Variants in AEN observed in about 807,000 individuals in gnomAD.
AEN encodes apoptosis enhancing nuclease.
AEN carries 21 observed loss-of-function variants against 17.7 expected under a neutral mutation model. The ratio of observed to expected loss-of-function variants is 1.19; its 90% CI spans 0.84 to 1.71. AEN has a LOEUF of 1.71. Ranked by LOEUF, AEN falls within the 40% of genes most tolerant of loss-of-function variation. The pLI is 0.00. For synonymous variants in AEN, 190 were observed against 173.0 expected, an observed-to-expected ratio of 1.10 and a Z score of -0.77; for missense variants, 462 against 435.9, an observed-to-expected ratio of 1.06 and a Z score of -0.53.
chr15:88,607,204 C>T, the AEN span, among the ~76,000 whole-genome samples: 2 of 152,200 alleles, frequency 1.3e-5, no homozygotes, highest in African/African-American at 4.8e-5. Flanking sequence ...TGGACACTAG[C>T]ATCACTCTCA....
the AEN span, among the ~76,000 whole-genome samples, chr15:88,605,740 T>C: frequency 2.8e-4 from 43 of 152,296 alleles, no homozygotes; most frequent in South Asian, 6.6e-3. The surrounding 1 kb of genome is among the most constrained non-coding windows in gnomAD (Gnocchi z 7.6). Flanking sequence ...CGCTACCCGC[T>C]TGGAGTCGGC....
At chr15:88,605,222 C>A in the AEN span, 1 of 152,236 alleles carries the variant, frequency 6.6e-6, no homozygotes. The surrounding 1 kb of genome is among the most constrained non-coding windows in gnomAD (Gnocchi z 7.6). Flanking sequence ...AGTACCTGCC[C>A]GGGGCGACGC....
chr15:88,606,546 C>T, the AEN span, among the ~76,000 whole-genome samples: 5 of 42,102 alleles, frequency 1.2e-4, no homozygotes, highest in South Asian at 3.4e-3. Flanking sequence ...AGGGAAAGGA[C>T]TTGGCACTAG....
In AEN at chr15:88,631,001, C is replaced by T; in HGVS notation, c.*707C>T. The stretch of plus-strand genomic sequence containing the variant: ...GAGTTGGCTCCTTAACATTTCTTGG[C>T]AACAGAAAGCCCCAGGCACAGCTCA... On this transcript the variant is annotated 3_prime_UTR_variant, in exon 4 of 4. Coordinates refer to ENST00000332810, the MANE Select transcript of AEN (RefSeq NM_022767.4). 2.5e-6 allele frequency: 1 copy of T among 398,394 alleles called. No homozygotes were observed. Among genetic ancestry groups the T allele is most frequent in the Non-Finnish European group, 5.2e-6 (1 of 190,674 alleles). The allele number at this position is 398,394 out of a possible 1,614,324, so 24.7% of individuals were successfully genotyped here.
At chr15:88,608,788 C>T in the AEN span, among the ~76,000 whole-genome samples, 1 of 152,220 alleles carries the variant, frequency 6.6e-6, no homozygotes, top group Non-Finnish European at 1.5e-5. Context: ...GAGACAATGA[C>T]TCTTTAATTC....
chr15:88,616,185 C>A, the AEN span, among the ~76,000 whole-genome samples: 2 of 152,130 alleles, frequency 1.3e-5, no homozygotes, highest in Non-Finnish European at 2.9e-5. Context: ...CCTCTGCCTC[C>A]CGGGTTCAAA....
At chr15:88,619,185 T>C (rs568734654), upstream of AEN, among the ~76,000 whole-genome samples, 1 of 152,332 alleles carries the variant, frequency 6.6e-6, no homozygotes, top group Non-Finnish European at 1.5e-5. Flanking sequence ...TAATACATTA[T>C]TTAGAATTGC....
chr15:88,609,697 T>C, the AEN span, among the ~76,000 whole-genome samples: 7 of 152,210 alleles, frequency 4.6e-5, no homozygotes, highest in African/African-American at 1.7e-4. Flanking sequence ...GCAGCCTCTT[T>C]TATTGCTTGC....
At position 88,627,840 on chromosome 15, in the gene AEN, T is replaced by C. The variant is rs140198203; in HGVS notation, c.540+1091T>C. 73 of 152,350 alleles carry C rather than the reference T, an allele frequency of 4.8e-4. 1 individual carries two copies. The highest frequency in any genetic ancestry group is 1.7e-3 in the African/African-American group (72 of 41,574). The allele number at this position is 152,350 out of a possible 1,614,324, so 9.4% of individuals were successfully genotyped here. On this transcript the variant is annotated intron_variant, in intron 2 of 3. Transcript: ENST00000332810. ...AAATTTGCATTGTTCTCAAAATGTG[T>C]CATACATCAATTGCATTGAGACAAA...
Position 88,629,337 on chromosome 15 carries a change from C to G in AEN, c.652C>G (p.Pro218Ala). Reference protein sequence around the residue: ...RSQTRDTTYVPNFLSEPGLHT... With the variant: ...RSQTRDTTYVANFLSEPGLHT... Reference sequence around the variant, plus strand: ...CCAGACCCGGGATACGACCTATGTCCCAAACTTCCTCAGCGAGCCCGGCCT... The same window carrying G: ...CCAGACCCGGGATACGACCTATGTCGCAAACTTCCTCAGCGAGCCCGGCCT... The change falls in exon 3 of 4, where the codon CCA becomes GCA. Residue 218 changes from proline (P) to alanine (A), a missense_variant. Transcript: ENST00000332810. 1 of 1,614,124 alleles carries G rather than the reference C, an allele frequency of 6.2e-7. No individual in the cohort carries two copies. Among genetic ancestry groups the G allele is most frequent in the East Asian group, 2.2e-5 (1 of 44,870 alleles).
chr15:88,605,734 A>C, the AEN span, among the ~76,000 whole-genome samples: 1 of 152,074 alleles, frequency 6.6e-6, no homozygotes, highest in East Asian at 1.9e-4. The surrounding 1 kb of genome is among the most constrained non-coding windows in gnomAD (Gnocchi z 7.6). Context: ...TCGAGTCGCT[A>C]CCCGCTTGGA....
rs911404152 is a variant in AEN, at chr15:88,632,228, A to T, written c.*1934A>T. On this transcript the variant is annotated 3_prime_UTR_variant, in exon 4 of 4. Coordinates refer to ENST00000332810, the MANE Select transcript of AEN (RefSeq NM_022767.4). ...TCAGCGGGGAAATGTACTATTTAAG[A>T]TCAGCTTTGTTGTAAAACCATTTGT... The T allele has an allele frequency of 6.6e-6, 1 of 152,018 alleles. No homozygotes were observed. The highest frequency in any genetic ancestry group is 2.1e-4 in the South Asian group (1 of 4,828). The allele number at this position is 152,018 out of a possible 1,614,324, so 9.4% of individuals were successfully genotyped here. A position where few individuals can be genotyped will look rare whatever the true frequency, so the allele number is the denominator to read the frequency against.
At chr15:88,626,839 G>T (rs1020858320) in intron 2 of AEN, 90 bp downstream of exon 2, 3 of 1,436,854 alleles carry the variant, frequency 2.1e-6, no homozygotes, top group African/African-American at 1.4e-5. Context: ...TTCACTGGGG[G>T]CAAGAAACCT....
upstream of AEN, among the ~76,000 whole-genome samples, chr15:88,617,112 G>A (rs935271722): frequency 6.2e-4 from 94 of 151,988 alleles, no homozygotes; most frequent in African/African-American, 2.2e-3. Flanking sequence ...TTTTGTAGAG[G>A]TGGGGTCTCA....
the AEN span, among the ~76,000 whole-genome samples, chr15:88,615,006 G>A: frequency 6.6e-6 from 1 of 152,170 alleles, no homozygotes; most frequent in African/African-American, 2.4e-5. Flanking sequence ...TGGGACTACA[G>A]GCGCCCGCCA....
At chr15:88,620,226 T>C (rs6496512), upstream of AEN, among the ~76,000 whole-genome samples, 117,814 of 151,850 alleles carry the variant, frequency 0.78, 48,399 homozygotes, top group Non-Finnish European at 0.91. Flanking sequence ...GATCTTTGGA[T>C]TCTAGGTGTT....
chr15:88,626,069 G>A, intron 1 of AEN, 77 bp from the exon 2 acceptor site: 1 of 981,212 alleles, frequency 1.0e-6, no homozygotes. Flanking sequence ...GTGGTGCACT[G>A]CAGGGAGGGA....
At chr15:88,605,192 G>A in the AEN span, 7 of 152,462 alleles carry the variant, frequency 4.6e-5, no homozygotes, top group African/African-American at 1.7e-4. This position sits in a 1 kb window ranked among gnomAD's most constrained non-coding sequence, Gnocchi z 7.6. Flanking sequence ...CAGGCTAGAG[G>A]TGTGGGGGCG....
the AEN span, among the ~76,000 whole-genome samples, chr15:88,615,160 G>A: frequency 6.6e-6 from 1 of 152,242 alleles, no homozygotes; most frequent in East Asian, 1.9e-4. Context: ...CACCGCGCCC[G>A]GCCTCGTCTG....
Sources: gnomAD v4.1 joint callset for allele counts (sites outside exome capture counted in the v4.1 genomes callset) on GRCh38, gnomAD v4.1.1 for gene constraint, Gnocchi (gnomAD v3.1) non-coding constraint, MANE v1.5 for transcripts, NCBI Gene and HGNC (gene_info 2026-07-23, HGNC 2026-07-21) for gene names.